ASIC2: variants seen among roughly 807,000 people sequenced by gnomAD.
The protein encoded by ASIC2 is acid-sensing ion channel 2.
In ASIC2, 25 loss-of-function variants were observed where a neutral mutation model predicts 57.3. That is an observed-to-expected ratio of 0.44 (90% CI 0.32 to 0.61). The LOEUF is 0.61. ASIC2 is among the 20% of genes least tolerant of loss of function. ASIC2 has a pLI of 0.06. For missense variants in ASIC2, 641 were observed against 738.1 expected, an observed-to-expected ratio of 0.87 and a Z score of 1.52; for synonymous variants, 319 against 307.5, an observed-to-expected ratio of 1.04 and a Z score of -0.39.
intron 1 of ASIC2, among the ~76,000 whole-genome samples, chr17:33,172,203 A>C (rs1370596915): frequency 6.6e-6 from 1 of 152,232 alleles, no homozygotes; most frequent in African/African-American, 2.4e-5. Context: ...TGAGTAATGT[A>C]TCCTATACTC....
chr17:33,361,771 C>G (rs777306976), intron 1 of ASIC2, among the ~76,000 whole-genome samples: 3 of 152,198 alleles, frequency 2.0e-5, no homozygotes, highest in Admixed American at 6.5e-5. Context: ...TGACTCTGCA[C>G]TTTGTGATTC....
intron 1 of ASIC2, among the ~76,000 whole-genome samples, chr17:33,504,070 G>A (rs1478276741): frequency 6.6e-6 from 1 of 152,230 alleles, no homozygotes; most frequent in East Asian, 1.9e-4. Flanking sequence ...TAGGAACTGG[G>A]TAACCAGGGA....
In ASIC2 at chr17:33,015,938, CA is replaced by C. The variant is rs2091803286; in HGVS notation, c.1590+32del. On this transcript the variant is annotated intron_variant, in intron 9 of 9. Coordinates refer to ENST00000225823, the MANE Select transcript of ASIC2 (RefSeq NM_183377.2). ...GTACTGCCGGTACAAGCCAGAGCAG[CA>C]GAACAACTTCCAATCAGTGAGCTGC... is the stretch of plus-strand genomic sequence containing the variant. The C allele has an allele frequency of 3.1e-6, 5 of 1,612,476 alleles. No homozygotes were observed. The South Asian group carries it at 5.5e-5, about 18-fold the overall frequency.
intron 1 of ASIC2, among the ~76,000 whole-genome samples, chr17:33,419,177 G>A (rs925878902): frequency 3.3e-5 from 5 of 152,240 alleles, no homozygotes; most frequent in African/African-American, 1.2e-4. Flanking sequence ...GGGAAGTGTT[G>A]TTGCACCCAT....
At chr17:33,376,650 C>T (rs371382371) in intron 1 of ASIC2, among the ~76,000 whole-genome samples, 11 of 152,280 alleles carry the variant, frequency 7.2e-5, no homozygotes, top group African/African-American at 1.9e-4. Context: ...TAAACTACTG[C>T]GAAAGTTCAC....
chr17:33,734,329 C>T (rs1597854209), intron 1 of ASIC2, among the ~76,000 whole-genome samples: 1 of 152,184 alleles, frequency 6.6e-6, no homozygotes. Context: ...CAGCCCTTCC[C>T]CCCGGGCTCC....
chr17:33,530,429 C>G (rs765682462), intron 1 of ASIC2, among the ~76,000 whole-genome samples: 1 of 152,252 alleles, frequency 6.6e-6, no homozygotes, highest in Non-Finnish European at 1.5e-5. Context: ...TGCCCCATGG[C>G]AAGCAAGGGG....
chr17:33,403,988 T>C (rs1369564660), intron 1 of ASIC2, among the ~76,000 whole-genome samples: 3 of 152,240 alleles, frequency 2.0e-5, no homozygotes, highest in Non-Finnish European at 4.4e-5. Context: ...CTTAGTGCAA[T>C]GCTTAACTTT....
chr17:33,613,588 C>T (rs545859213), intron 1 of ASIC2, among the ~76,000 whole-genome samples: 2 of 152,148 alleles, frequency 1.3e-5, no homozygotes, highest in South Asian at 4.2e-4. Context: ...AGGATGATCT[C>T]GATCTCCTGA....
intron 1 of ASIC2, among the ~76,000 whole-genome samples, chr17:33,440,523 G>A (rs1474455124): frequency 1.3e-5 from 2 of 152,146 alleles, no homozygotes; most frequent in East Asian, 1.9e-4. Context: ...TTAAACTTCC[G>A]AGGAAGTGCC....
intron 1 of ASIC2, among the ~76,000 whole-genome samples, chr17:34,154,159 AG>A (rs1369808187): frequency 6.6e-6 from 1 of 152,192 alleles, no homozygotes; most frequent in Non-Finnish European, 1.5e-5. Context: ...AGGCAGACAG[AG>A]GAACAGCTGA....
At chr17:33,413,076 T>C (rs2141966045) in intron 1 of ASIC2, among the ~76,000 whole-genome samples, 1 of 152,260 alleles carries the variant, frequency 6.6e-6, no homozygotes, top group Non-Finnish European at 1.5e-5. Context: ...AGCAGGGTTC[T>C]CCAGAGATGG....
intron 1 of ASIC2, among the ~76,000 whole-genome samples, chr17:33,724,866 A>G (rs1909497130): frequency 6.6e-6 from 1 of 152,150 alleles, no homozygotes; most frequent in Non-Finnish European, 1.5e-5. Context: ...ACACTCACAC[A>G]TTGGCTCCTT....
intron 1 of ASIC2, among the ~76,000 whole-genome samples, chr17:33,448,457 T>G (rs1912121388): frequency 6.6e-6 from 1 of 152,188 alleles, no homozygotes; most frequent in Non-Finnish European, 1.5e-5. Context: ...CCTATGTGTC[T>G]TAGATTCCAT....
chr17:33,455,662 G>C (rs1325266167), intron 1 of ASIC2, among the ~76,000 whole-genome samples: 1 of 152,122 alleles, frequency 6.6e-6, no homozygotes, highest in South Asian at 2.1e-4. Flanking sequence ...TTCTTTGATG[G>C]TTGCTAACTT....
At position 33,438,848 on chromosome 17, in the gene ASIC2, C is replaced by CT. The variant is rs55935165; in HGVS notation, c.556-326782dup. Among the ~76,000 whole-genome samples the CT allele has an allele frequency of 5.2e-3, 678 of 130,398 alleles. 6 individuals are homozygous for CT. The highest frequency in any genetic ancestry group is 0.026 in the South Asian group (103 of 3,912). 85.5% of individuals were successfully genotyped at this position (130,398 alleles called of 152,430 possible). A position where few individuals can be genotyped will look rare whatever the true frequency, so the allele number is the denominator to read the frequency against. On this transcript the variant is annotated intron_variant, in intron 1 of 9. Coordinates refer to the ASIC2 transcript ENST00000359872. ...GGAGAAATAATGATGGCAGGGGAAC[C>CT]TTTTTTTTTTTTTTTTTTTGAGACA...
At chr17:33,142,008 T>C (rs901513725) in intron 1 of ASIC2, among the ~76,000 whole-genome samples, 1 of 152,250 alleles carries the variant, frequency 6.6e-6, no homozygotes, top group African/African-American at 2.4e-5. Flanking sequence ...TATTGGCATA[T>C]ATTTATGTGT....
intron 3 of ASIC2, among the ~76,000 whole-genome samples, chr17:33,039,683 C>T (rs975921042): frequency 1.3e-5 from 2 of 152,186 alleles, no homozygotes; most frequent in African/African-American, 4.8e-5. Flanking sequence ...TTAAGTTGTA[C>T]AGAAGGCCCA....
Position 33,839,450 on chromosome 17 carries a change from A to G in ASIC2, c.555+316528T>C, listed in dbSNP as rs370061791. On this transcript the variant is annotated intron_variant, in intron 1 of 9. Coordinates refer to the ASIC2 transcript ENST00000359872. The stretch of plus-strand genomic sequence containing the variant: ...TTCAAGCAAAACTAATTGATCACCC[A>G]TTGTGGCAGTCATTTATTTATTGTC... 1.4e-4 allele frequency among the ~76,000 whole-genome samples: 22 copies of G among 152,322 alleles called. No individual in the cohort carries two copies. In the East Asian group the frequency reaches 1.9e-3, roughly 13 times the overall value.
Sources: gnomAD v4.1 joint callset for allele counts (sites outside exome capture counted in the v4.1 genomes callset) on GRCh38, gnomAD v4.1.1 for gene constraint, MANE v1.5 for transcripts, NCBI Gene and HGNC (gene_info 2026-07-23, HGNC 2026-07-21) for gene names.